TENM3: variants seen among roughly 807,000 people sequenced by gnomAD.
TENM3 encodes the protein teneurin transmembrane protein 3.
A neutral mutation model predicts 255.1 loss-of-function variants in TENM3; 63 were observed. The observed-to-expected ratio is 0.25, with a 90% CI of 0.20 to 0.30. The LOEUF (loss-of-function observed/expected upper bound fraction) is 0.30. TENM3 is among the 10% of genes least tolerant of loss of function. The pLI, the probability that TENM3 is intolerant of heterozygous loss-of-function variation, is 1.00. For synonymous variants in TENM3, 1,306 were observed against 1,322.3 expected, an observed-to-expected ratio of 0.99 and a Z score of 0.27; for missense variants, 2,929 against 3,461.1, an observed-to-expected ratio of 0.85 and a Z score of 3.86.
At chr4:181,981,801 G>A in the TENM3 span, among the ~76,000 whole-genome samples, 26 of 152,170 alleles carry the variant, frequency 1.7e-4, no homozygotes, top group Non-Finnish European at 3.4e-4. Context: ...GGAAAGTAAA[G>A]GTTTAGTATT....
Position 182,648,288 on chromosome 4 carries a change from G to GTTT in TENM3, c.989-5472_989-5470dup, listed in dbSNP as rs11445381. Among the ~76,000 whole-genome samples, 87 of 146,470 alleles carry GTTT rather than the reference G, an allele frequency of 5.9e-4. 1 individual carries two copies. Among genetic ancestry groups the GTTT allele is most frequent in the East Asian group, 1.0e-3 (5 of 4,990 alleles). ...GTGTTAGATGGATTACTTTTAAGTT[G>GTTT]TTTTTTTTTTTTTGAAACAGAGTCT... On this transcript the variant is annotated intron_variant, in intron 5 of 27. Transcript: ENST00000511685.
the TENM3 span, among the ~76,000 whole-genome samples, chr4:182,051,853 G>T: frequency 6.6e-6 from 1 of 152,100 alleles, no homozygotes; most frequent in Non-Finnish European, 1.5e-5. Flanking sequence ...TGCAATAATT[G>T]AATTACCTTC....
chr4:181,765,560 G>A, the TENM3 span, among the ~76,000 whole-genome samples: 2 of 152,122 alleles, frequency 1.3e-5, no homozygotes, highest in Non-Finnish European at 2.9e-5. Flanking sequence ...CCTCACAAAT[G>A]TTGATTCAAA....
At chr4:181,962,805 G>GC in the TENM3 span, among the ~76,000 whole-genome samples, 3 of 152,136 alleles carry the variant, frequency 2.0e-5, no homozygotes, top group Non-Finnish European at 4.4e-5. Context: ...AAATTCAAAT[G>GC]CCAGTACTCA....
chr4:182,023,477 G>T, the TENM3 span, among the ~76,000 whole-genome samples: 1 of 151,998 alleles, frequency 6.6e-6, no homozygotes, highest in South Asian at 2.1e-4. Context: ...GGGGTATTTT[G>T]GTCAAAAAAG....
the TENM3 span, among the ~76,000 whole-genome samples, chr4:181,687,928 T>C: frequency 6.6e-6 from 1 of 152,062 alleles, no homozygotes; most frequent in Non-Finnish European, 1.5e-5. Flanking sequence ...ATGAAAACAT[T>C]AAGCATATTC....
chr4:182,577,312 G>A (rs1336869443), intron 3 of TENM3, among the ~76,000 whole-genome samples: 1 of 152,154 alleles, frequency 6.6e-6, no homozygotes, highest in Non-Finnish European at 1.5e-5. Context: ...GAAAGTATCT[G>A]TTTGACTCAT....
the TENM3 span, among the ~76,000 whole-genome samples, chr4:182,038,626 T>C: frequency 3.3e-5 from 5 of 152,182 alleles, no homozygotes; most frequent in African/African-American, 7.2e-5. Flanking sequence ...AGGGCCTACA[T>C]TGCAACAATT....
intron 3 of TENM3, among the ~76,000 whole-genome samples, chr4:182,595,111 TTAAG>T (rs775342286): frequency 1.3e-5 from 2 of 152,156 alleles, no homozygotes; most frequent in Admixed American, 1.3e-4. Flanking sequence ...CTCAGAGAGA[TTAAG>T]TAATTTATGC....
the TENM3 span, among the ~76,000 whole-genome samples, chr4:181,461,706 A>T: frequency 2.6e-3 from 398 of 152,140 alleles, 4 homozygotes; most frequent in South Asian, 0.035. Flanking sequence ...TAGAAGTTCC[A>T]CTGGGTTTCT....
chr4:181,874,773 G>A, the TENM3 span, among the ~76,000 whole-genome samples: 231 of 152,240 alleles, frequency 1.5e-3, 1 homozygote, highest in African/African-American at 4.9e-3. Context: ...CAGCAGCCCC[G>A]GTGGCTGATC....
chr4:181,626,783 T>G, the TENM3 span, among the ~76,000 whole-genome samples: 1 of 152,166 alleles, frequency 6.6e-6, no homozygotes, highest in African/African-American at 2.4e-5. Flanking sequence ...TCAGGGGCCA[T>G]TCAAACGGGT....
In TENM3 at chr4:182,754,702, T is replaced by C; in HGVS notation, c.4335T>C (p.Pro1445=). 6.2e-7 allele frequency: 1 copy of C among 1,614,056 alleles called. No homozygotes were observed. Among genetic ancestry groups the C allele is most frequent in the Non-Finnish European group, 8.5e-7 (1 of 1,179,912 alleles). The change falls in exon 22 of 28, where the codon CCT becomes CCC. Residue 1445 remains proline, a synonymous_variant. Transcript: ENST00000511685. This position sits in a 1 kb window ranked among gnomAD's most constrained non-coding sequence, Gnocchi z 5.1. ...DGEISLVAGI[P]SECDCKNDAN... Reference sequence around the variant, plus strand: ...AAATCTCCTTAGTGGCCGGAATACCTTCAGAGTGTGACTGCAAAAATGATG... The same window carrying C: ...AAATCTCCTTAGTGGCCGGAATACCCTCAGAGTGTGACTGCAAAAATGATG...
At chr4:182,504,911 T>C (rs1324723338) in intron 3 of TENM3, among the ~76,000 whole-genome samples, 1 of 152,236 alleles carries the variant, frequency 6.6e-6, no homozygotes, top group Non-Finnish European at 1.5e-5. Flanking sequence ...CAACAGATAC[T>C]TGGGTATCAT....
the TENM3 span, among the ~76,000 whole-genome samples, chr4:181,899,557 T>C: frequency 1.4e-4 from 22 of 152,072 alleles, no homozygotes; most frequent in Non-Finnish European, 2.1e-4. Flanking sequence ...TTTTGTTTTG[T>C]TTTGTTTTTT....
the TENM3 span, among the ~76,000 whole-genome samples, chr4:181,655,736 G>A: frequency 4.8e-4 from 73 of 152,188 alleles, no homozygotes; most frequent in African/African-American, 1.7e-3. Flanking sequence ...GAACAAAAGG[G>A]AAAATGCACA....
intron 3 of TENM3, among the ~76,000 whole-genome samples, chr4:182,565,568 A>G (rs1743693563): frequency 6.6e-6 from 1 of 152,218 alleles, no homozygotes; most frequent in Non-Finnish European, 1.5e-5. Context: ...TATTGAAATT[A>G]GCATCCCTCA....
chr4:182,773,379 T>G (rs1764421097), intron 22 of TENM3, 93 bp from the exon 23 acceptor site: 4 of 1,173,880 alleles, frequency 3.4e-6, no homozygotes, highest in Non-Finnish European at 4.8e-6. Flanking sequence ...GTCCTCCAAA[T>G]TTGTGCAACT....
intron 1 of TENM3, among the ~76,000 whole-genome samples, chr4:182,299,609 C>T (rs1190829622): frequency 3.9e-5 from 6 of 152,170 alleles, no homozygotes; most frequent in Non-Finnish European, 5.9e-5. Context: ...CTCTAAATTA[C>T]AGATCTTAGA....
Sources: gnomAD v4.1 joint callset for allele counts (sites outside exome capture counted in the v4.1 genomes callset) on GRCh38, gnomAD v4.1.1 for gene constraint, Gnocchi (gnomAD v3.1) non-coding constraint, MANE v1.5 for transcripts, NCBI Gene and HGNC (gene_info 2026-07-23, HGNC 2026-07-21) for gene names.